Variants in HHAT observed in about 807,000 individuals in gnomAD.
HHAT encodes protein-cysteine N-palmitoyltransferase HHAT.
HHAT carries 47 observed loss-of-function variants against 70.8 expected under a neutral mutation model. The observed-to-expected ratio is 0.66, with a 90% CI of 0.53 to 0.85. The LOEUF is 0.85. Among genes scored for constraint, HHAT ranks in the 40% least tolerant of loss-of-function variants. The pLI, the probability that HHAT is intolerant of heterozygous loss-of-function variation, is 0.00. For missense variants in HHAT, 609 were observed against 604.8 expected (o/e 1.01, Z -0.07); for synonymous variants, 228 against 247.6 (o/e 0.92, Z 0.74).
At chr1:210,557,293 T>C (rs1285421282) in intron 9 of HHAT, among the ~76,000 whole-genome samples, 2 of 152,200 alleles carry the variant, frequency 1.3e-5, no homozygotes, top group African/African-American at 4.8e-5. Flanking sequence ...AATGCCCCCA[T>C]GAACCTCAAA....
At chr1:210,531,536 C>T (rs1295411037) in intron 9 of HHAT, among the ~76,000 whole-genome samples, 1 of 152,162 alleles carries the variant, frequency 6.6e-6, no homozygotes, top group African/African-American at 2.4e-5. Context: ...AATTAAACCA[C>T]CTGGGTTTGA....
intron 7 of HHAT, among the ~76,000 whole-genome samples, chr1:210,431,458 G>A (rs914457590): frequency 6.6e-6 from 1 of 151,802 alleles, no homozygotes; most frequent in African/African-American, 2.4e-5. Flanking sequence ...AACAGCTCAA[G>A]TATATATTTG....
At chr1:210,363,762 TTTG>T (rs2088612845) in intron 3 of HHAT, among the ~76,000 whole-genome samples, 2 of 152,084 alleles carry the variant, frequency 1.3e-5, no homozygotes. Flanking sequence ...ATCAGAGCAG[TTTG>T]TTTTGTTTTG....
chr1:210,328,840 G>A (rs12143851), upstream of HHAT: 4 of 417,694 alleles, frequency 9.6e-6, no homozygotes, highest in African/African-American at 6.2e-5. Flanking sequence ...GCAGCAGCAC[G>A]GCCTGCTCGC....
chr1:210,440,052 C>T (rs900596907), intron 7 of HHAT, among the ~76,000 whole-genome samples: 5 of 151,700 alleles, frequency 3.3e-5, no homozygotes, highest in African/African-American at 9.7e-5. Flanking sequence ...TAGCAGAGGC[C>T]AAGAAGGTCC....
chr1:210,620,725 C>T (rs1668650378), intron 10 of HHAT, among the ~76,000 whole-genome samples: 1 of 152,124 alleles, frequency 6.6e-6, no homozygotes, highest in African/African-American at 2.4e-5. Context: ...TTGATTCTAA[C>T]AGGCTGTGCT....
chr1:210,627,008 C>T (rs1370454067), intron 11 of HHAT, among the ~76,000 whole-genome samples: 4 of 152,136 alleles, frequency 2.6e-5, no homozygotes, highest in Admixed American at 6.5e-5. Context: ...TAGAGTGAAG[C>T]GAGTGAGAAC....
chr1:210,453,151 T>G (rs1447607748), intron 7 of HHAT, among the ~76,000 whole-genome samples: 3 of 152,170 alleles, frequency 2.0e-5, no homozygotes, highest in Admixed American at 2.0e-4. Context: ...CGTCTGATCC[T>G]TGTTTTGAAA....
At chr1:210,537,270 G>T (rs2095382748) in intron 9 of HHAT, among the ~76,000 whole-genome samples, 1 of 152,150 alleles carries the variant, frequency 6.6e-6, no homozygotes, top group African/African-American at 2.4e-5. Context: ...TGTGCATGCT[G>T]TGCTACGAAG....
At chr1:210,345,729 G>A (rs1222924096) in intron 1 of HHAT, among the ~76,000 whole-genome samples, 2 of 152,176 alleles carry the variant, frequency 1.3e-5, no homozygotes, top group Non-Finnish European at 2.9e-5. Flanking sequence ...TTTGTTTAAA[G>A]TTACAATTTC....
chr1:210,531,722 T>C (rs966742741), intron 9 of HHAT, among the ~76,000 whole-genome samples: 8 of 152,242 alleles, frequency 5.3e-5, no homozygotes, highest in Admixed American at 5.2e-4. Flanking sequence ...AAAACCCATA[T>C]GAAAATGCCT....
intron 10 of HHAT, among the ~76,000 whole-genome samples, chr1:210,608,741 T>C (rs1573696211): frequency 6.6e-6 from 1 of 152,042 alleles, no homozygotes; most frequent in African/African-American, 2.4e-5. Flanking sequence ...TTTCCTAGAG[T>C]CCTGGAGGCT....
intron 2 of HHAT, among the ~76,000 whole-genome samples, chr1:210,353,434 GTT>G (rs10541502): frequency 0.027 from 3,103 of 114,374 alleles, 96 homozygotes; most frequent in African/African-American, 0.087. Context: ...GAAGTCACCT[GTT>G]TTTTTTTTTT....
At chr1:210,542,287 C>G (rs1363979413) in intron 9 of HHAT, among the ~76,000 whole-genome samples, 1 of 152,078 alleles carries the variant, frequency 6.6e-6, no homozygotes, top group Admixed American at 6.6e-5. Context: ...CTCCAACTGC[C>G]CAAATTTCTT....
intron 10 of HHAT, among the ~76,000 whole-genome samples, chr1:210,595,835 T>C (rs1444567133): frequency 6.6e-6 from 1 of 152,106 alleles, no homozygotes; most frequent in African/African-American, 2.4e-5. Context: ...TTCTTGTAAA[T>C]TTGTTTGAGT....
At chr1:210,528,295 T>C (rs961943603) in intron 9 of HHAT, among the ~76,000 whole-genome samples, 37 of 152,124 alleles carry the variant, frequency 2.4e-4, no homozygotes, top group African/African-American at 8.2e-4. Context: ...ATCAAACCCC[T>C]GTGGTAGAAG....
At chr1:210,640,424 G>T (rs1274769965) in intron 11 of HHAT, among the ~76,000 whole-genome samples, 1 of 152,092 alleles carries the variant, frequency 6.6e-6, no homozygotes, top group Non-Finnish European at 1.5e-5. Flanking sequence ...GATGTTAGTT[G>T]TAATGAAAAC....
chr1:210,622,706 G>A (rs892062228), intron 10 of HHAT, among the ~76,000 whole-genome samples: 10 of 152,122 alleles, frequency 6.6e-5, no homozygotes, highest in Non-Finnish European at 1.2e-4. Flanking sequence ...CCAGCAGTAG[G>A]CTCGGCTCAC....
At chr1:210,510,601 T>C (rs899474443) in intron 8 of HHAT, among the ~76,000 whole-genome samples, 2 of 152,172 alleles carry the variant, frequency 1.3e-5, no homozygotes, top group African/African-American at 2.4e-5. Flanking sequence ...TTAGTAATAA[T>C]GAAAGGCAGT....
Sources: gnomAD v4.1 joint callset for allele counts (sites outside exome capture counted in the v4.1 genomes callset) on GRCh38, gnomAD v4.1.1 for gene constraint, MANE v1.5 for transcripts, NCBI Gene and HGNC (gene_info 2026-07-23, HGNC 2026-07-21) for gene names.